Variants in YIF1B observed in about 807,000 individuals in gnomAD.
YIF1B encodes Yip1 interacting factor homolog B, membrane trafficking protein.
In YIF1B, 24 loss-of-function variants were observed where a neutral mutation model predicts 34.6. The observed-to-expected ratio is 0.69, with a 90% CI of 0.50 to 0.98. YIF1B has a LOEUF of 0.98. YIF1B is among the 50% of genes least tolerant of loss of function. The probability of loss-of-function intolerance (pLI) is 0.00; values close to 1 mark genes in which losing one functional copy is unlikely to be tolerated. For synonymous variants in YIF1B, 186 were observed against 184.8 expected, an observed-to-expected ratio of 1.01 and a Z score of -0.05; for missense variants, 368 against 429.4, an observed-to-expected ratio of 0.86 and a Z score of 1.26.
intron 1 of YIF1B, 33 bp downstream of exon 1, chr19:38,315,827 C>T (rs773091274): frequency 9.9e-6 from 15 of 1,511,682 alleles, no homozygotes; most frequent in Middle Eastern, 1.7e-4. Context: ...CGCCACGCCC[C>T]CGCCCGCCCG....
chr19:38,309,165 C>T, intron 3 of YIF1B, 59 bp downstream of exon 3: 3 of 1,596,908 alleles, frequency 1.9e-6, no homozygotes, highest in Non-Finnish European at 2.6e-6. Flanking sequence ...TGCACCTGCC[C>T]CCACCCCTGA....
At chr19:38,312,744 C>T (rs1720383015) in intron 1 of YIF1B, among the ~76,000 whole-genome samples, 1 of 152,206 alleles carries the variant, frequency 6.6e-6, no homozygotes, top group Non-Finnish European at 1.5e-5. Context: ...TTAACTGTCC[C>T]ACCTTGCAGA....
chr19:38,309,920 C>T, intron 1 of YIF1B: 1 of 1,058,414 alleles, frequency 9.4e-7, no homozygotes, highest in Non-Finnish European at 1.3e-6. Context: ...ACCCACCCTC[C>T]CACTCACCCA....
intron 1 of YIF1B, among the ~76,000 whole-genome samples, chr19:38,314,667 A>G (rs1054958665): frequency 1.7e-5 from 2 of 120,924 alleles, no homozygotes; most frequent in African/African-American, 6.6e-5. Context: ...TCTGTCGCCC[A>G]GGCTGGTGCA....
In YIF1B at chr19:38,315,882, C is replaced by A. The variant is rs762150982; in HGVS notation, c.36G>T (p.Gly12=). The change falls in exon 1 of 8, where the codon GGG becomes GGT. Residue 12 remains glycine, a synonymous_variant. Coordinates refer to ENST00000339413, the MANE Select transcript of YIF1B (RefSeq NM_001039672.3). ...HPAGLAAAAA[G]TPRLRKWPSK... ...TACGCCACTTACGCAGCCGGGGCGT[C>A]CCCGCAGCCGCCGCCGCCAAGCCTG... 12 of 1,488,864 alleles carry A rather than the reference C, an allele frequency of 8.1e-6. No individual in the cohort carries two copies. Among genetic ancestry groups the A allele is most frequent in the African/African-American group, 5.8e-5 (4 of 68,710 alleles). 92.2% of individuals were successfully genotyped at this position (1,488,864 alleles called of 1,614,324 possible).
intron 3 of YIF1B, 47 bp downstream of exon 3, chr19:38,309,176 GC>G (rs777473178): frequency 6.2e-7 from 1 of 1,603,880 alleles, no homozygotes; most frequent in Non-Finnish European, 8.5e-7. Flanking sequence ...CCACCCCTGA[GC>G]CCCCCACAGG....
intron 1 of YIF1B, among the ~76,000 whole-genome samples, chr19:38,313,669 T>C (rs1969416788): frequency 6.6e-6 from 1 of 152,200 alleles, no homozygotes; most frequent in African/African-American, 2.4e-5. Flanking sequence ...CATGACCCAC[T>C]CCTGCCAACC....
chr19:38,307,797 C>T, intron 5 of YIF1B, 45 bp from the exon 6 acceptor site: 11 of 1,603,332 alleles, frequency 6.9e-6, no homozygotes, highest in Non-Finnish European at 9.4e-6. Context: ...GTTCAGACCC[C>T]CCACCCCCAG....
intron 1 of YIF1B, among the ~76,000 whole-genome samples, chr19:38,314,192 ATTTTTTT>A (rs544115864): frequency 1.8e-4 from 23 of 127,244 alleles, no homozygotes; most frequent in African/African-American, 6.5e-4. Context: ...CGCCCGGCTA[ATTTTTTT>A]TTTTTTTTTT....
At chr19:38,319,979 C>T, upstream of YIF1B, 1 of 1,470,126 alleles carries the variant, frequency 6.8e-7, no homozygotes, top group Non-Finnish European at 8.9e-7. Flanking sequence ...CTGGCGGGCG[C>T]CTTGGCCGCG....
chr19:38,305,340 C>A lies in YIF1B; in HGVS notation c.*12G>T, dbSNP rs367896349. ...GCAGCAGCAGCAGCAGCGGGAGGTT[C>A]AGCGGGCGCGCTCACCGCACCAGGT... On this transcript the variant is annotated 3_prime_UTR_variant, in exon 8 of 8. Coordinates refer to ENST00000339413, the MANE Select transcript of YIF1B (RefSeq NM_001039672.3). 5 of 1,597,250 alleles carry A rather than the reference C, an allele frequency of 3.1e-6. No homozygotes were observed. The highest frequency in any genetic ancestry group is 4.3e-6 in the Non-Finnish European group (5 of 1,169,044).
At chr19:38,320,300 C>G (rs1969636201), upstream of YIF1B, 1 of 1,601,758 alleles carries the variant, frequency 6.2e-7, no homozygotes, top group Non-Finnish European at 8.5e-7. Context: ...CGCAAGGCGG[C>G]GAGGACCCGG....
chr19:38,317,662 C>T (rs1012543849), upstream of YIF1B, among the ~76,000 whole-genome samples: 1 of 152,038 alleles, frequency 6.6e-6, no homozygotes, highest in South Asian at 2.1e-4. Flanking sequence ...TCACTGCAAC[C>T]TTTGCCTCCT....
At position 38,307,485 on chromosome 19, in the gene YIF1B, C is replaced by T. The variant is rs200677442; in HGVS notation, c.732G>A (p.Gly244=). Residue 244 remains glycine (G), a synonymous_variant, in exon 7 of 8, where the codon GGG becomes GGA. Transcript: ENST00000339413. ...IGGVLMGLLF[G]KIGYYLVLGW... ...CCAGCACCAGGTAGTAGCCAATCTT[C>T]CCGAAGAGCAGGCCCATGAGGACCC... The T allele has an allele frequency of 1.4e-4, 231 of 1,613,928 alleles. No homozygotes were observed. In the East Asian group the frequency reaches 5.0e-3, roughly 35 times the overall value.
chr19:38,315,582 G>A, intron 1 of YIF1B: 1 of 1,484,110 alleles, frequency 6.7e-7, no homozygotes, highest in Admixed American at 2.2e-5. Flanking sequence ...GGAAGGGTGG[G>A]GAGCAGGGAA....
rs1015230872 is a variant in YIF1B, at chr19:38,304,143, G to A, written c.*1209C>T. The A allele has an allele frequency of 8.0e-7, 1 of 1,252,362 alleles. No individual in the cohort carries two copies. 77.6% of individuals were successfully genotyped at this position (1,252,362 alleles called of 1,614,324 possible). On this transcript the variant is annotated 3_prime_UTR_variant, in exon 8 of 8. Coordinates refer to ENST00000339413, the MANE Select transcript of YIF1B (RefSeq NM_001039672.3). ...AGTCAGGGCTGAGGACCAGGACAGA[G>A]GTTGGGTGGGGCGTCTCAGCATTCC...
rs772741042 is a variant in YIF1B at position 38,309,480 on chromosome 19, A to G, written c.222T>C (p.Ala74=). ...ASPTPHAAFL[A]DPVSNMAMAY... ...CCATGGCCATGTTGGACACCGGGTC[A>G]GCCAGGAAGGCTGCATGGGGCGTGG... Residue 74 remains alanine, a synonymous_variant, in exon 2 of 8, where the codon GCT becomes GCC. Coordinates refer to ENST00000339413, the MANE Select transcript of YIF1B (RefSeq NM_001039672.3). The G allele has an allele frequency of 1.2e-6, 2 of 1,613,934 alleles. No homozygotes were observed. The highest frequency in any genetic ancestry group is 1.1e-5 in the South Asian group (1 of 91,056).
intron 1 of YIF1B, among the ~76,000 whole-genome samples, chr19:38,312,688 G>A (rs1490159015): frequency 3.9e-5 from 6 of 152,174 alleles, no homozygotes; most frequent in Non-Finnish European, 7.4e-5. Context: ...AATTATCCAC[G>A]TCATGACTTT....
In YIF1B at chr19:38,309,931, CCCAT is replaced by C. The variant is rs539022005; in HGVS notation, c.59-292_59-289del. ...ATCTACCCACCCTCCCACTCACCCA[CCCAT>C]CCATCCATCTATCCATCTAACCATC... On this transcript the variant is annotated intron_variant, in intron 1 of 7. Coordinates refer to ENST00000339413, the MANE Select transcript of YIF1B (RefSeq NM_001039672.3). 153 of 927,666 alleles carry C rather than the reference CCCAT, an allele frequency of 1.6e-4. No individual in the cohort carries two copies. The East Asian group carries it at 4.5e-3, about 27-fold the overall frequency. The allele number at this position is 927,666 out of a possible 1,614,324, so 57.5% of individuals were successfully genotyped here. A position where few individuals can be genotyped will look rare whatever the true frequency, so the allele number is the denominator to read the frequency against.
Sources: allele counts gnomAD v4.1 joint callset (sites outside exome capture counted in the v4.1 genomes callset), GRCh38; gene constraint gnomAD v4.1.1; transcripts MANE v1.5; gene names NCBI Gene and HGNC (gene_info 2026-07-23, HGNC 2026-07-21).